BRWD1: variants seen among roughly 807,000 people sequenced by gnomAD.
The protein encoded by BRWD1 is bromodomain and WD repeat domain containing 1, also known as bromodomain and WD repeat-containing protein 1.
In BRWD1, 82 loss-of-function variants were observed where a neutral mutation model predicts 251.2. That is an observed-to-expected ratio of 0.33 (90% CI 0.27 to 0.39). The LOEUF (loss-of-function observed/expected upper bound fraction) is 0.39. Among genes scored for constraint, BRWD1 ranks in the 10% least tolerant of loss-of-function variants. The pLI, the probability that BRWD1 is intolerant of heterozygous loss-of-function variation, is 1.00. For synonymous variants in BRWD1, 918 were observed against 902.8 expected, an observed-to-expected ratio of 1.02 and a Z score of -0.30; for missense variants, 2,233 against 2,711.6, an observed-to-expected ratio of 0.82 and a Z score of 3.92.
At chr21:39,314,093 C>T (rs1555881043), upstream of BRWD1, 3 of 455,940 alleles carry the variant, frequency 6.6e-6, no homozygotes, top group Admixed American at 2.3e-5. Context: ...ATTTCACGGA[C>T]CGGTCGTCTG....
chr21:39,199,993 T>G (rs1183788288), intron 39 of BRWD1, among the ~76,000 whole-genome samples: 1 of 152,242 alleles, frequency 6.6e-6, no homozygotes, highest in Non-Finnish European at 1.5e-5. Flanking sequence ...CCTCAGGTGA[T>G]CCGCCCACCT....
chr21:39,197,136 T>A lies in BRWD1; in HGVS notation c.5933A>T (p.Asp1978Val), dbSNP rs1396921198. 7.4e-6 allele frequency: 12 copies of A among 1,614,150 alleles called. No individual in the cohort carries two copies. The highest frequency in any genetic ancestry group is 1.0e-5 in the Non-Finnish European group (12 of 1,179,976). The change falls in exon 41 of 41, where the codon GAT (aspartate) becomes GTT (valine). Residue 1978 changes from aspartate (D) to valine (V), a missense_variant. By Grantham distance (152) the Asp-to-Val change is radical. Around this residue, in one of 12 missense-constraint regions of BRWD1, gnomAD observed 928 missense variants for 970.0 expected, o/e 0.96. Transcript: ENST00000342449. ...TTCACAATGTACACTTCCTTCACAA[T>A]CACTCAATTTCTTCTTAGCTGTAGT... ...ACTTAKKKLS[D>V]CEGSVHCEVP...
intron 3 of BRWD1, 44 bp from the exon 4 acceptor site, chr21:39,312,944 C>CGGGGGGG (rs754220705): frequency 3.2e-6 from 2 of 622,858 alleles, no homozygotes; most frequent in African/African-American, 6.5e-5. Flanking sequence ...CCCTCCGGCG[C>CGGGGGGG]GGGGGGGGCG....
chr21:39,297,498 A>T, intron 5 of BRWD1: 1 of 756,738 alleles, frequency 1.3e-6, no homozygotes, highest in Non-Finnish European at 1.6e-6. Context: ...AAAGGAAAAC[A>T]GGCTACCAAT....
rs775106300 is a variant in BRWD1 at position 39,313,292 on chromosome 21, G to A, written c.57C>T (p.Tyr19=). 6 of 1,557,346 alleles carry A rather than the reference G, an allele frequency of 3.9e-6. No individual in the cohort carries two copies. The highest frequency in any genetic ancestry group is 1.2e-5 in the South Asian group (1 of 86,852). ...RPVPLIESEL[Y]FLIARYLSAG... ...CCGATAGGTACCGGGCGATAAGGAA[G>A]TACAGCTCTGCGGGAAGACAAGGAG... is the stretch of plus-strand genomic sequence containing the variant. The change falls in exon 2 of 41, where the codon TAC becomes TAT. Residue 19 remains tyrosine, a synonymous_variant. Coordinates refer to ENST00000342449, the MANE Select transcript of BRWD1 (RefSeq NM_033656.4).
In BRWD1 at chr21:39,188,930, T is replaced by C; in HGVS notation, c.*7329A>G. ...CAGAGTAAGACACTCATCACGGCAT[T>C]ACTCTCATGCAGCATGCCCTTACCT... On this transcript the variant is annotated 3_prime_UTR_variant, in exon 41 of 41. Coordinates refer to ENST00000342449, the MANE Select transcript of BRWD1 (RefSeq NM_033656.4). The C allele has an allele frequency of 1.0e-6, 1 of 985,364 alleles. No homozygotes were observed. The highest frequency in any genetic ancestry group is 5.2e-4 in the Middle Eastern group (1 of 1,914). 61.0% of individuals were successfully genotyped at this position (985,364 alleles called of 1,614,324 possible).
chr21:39,299,607 C>A (rs1364826893), intron 4 of BRWD1, among the ~76,000 whole-genome samples: 5 of 152,094 alleles, frequency 3.3e-5, no homozygotes, highest in Middle Eastern at 6.8e-3. Context: ...AATGTATAAA[C>A]CCATCACAGC....
chr21:39,297,318 T>C, intron 5 of BRWD1: 1 of 985,474 alleles, frequency 1.0e-6, no homozygotes, highest in Non-Finnish European at 1.2e-6. Context: ...ACCACTATCA[T>C]GACCAAAGAG....
At chr21:39,275,051 A>T (rs1240549028) in intron 12 of BRWD1, among the ~76,000 whole-genome samples, 1 of 152,186 alleles carries the variant, frequency 6.6e-6, no homozygotes, top group South Asian at 2.1e-4. Flanking sequence ...TCTCAAAAAA[A>T]AATAATTAAA....
chr21:39,265,036 G>A lies in BRWD1; in HGVS notation c.1531-17C>T, dbSNP rs1568930371. The A allele has an allele frequency of 6.3e-6, 10 of 1,595,188 alleles. No individual in the cohort carries two copies. Among genetic ancestry groups the A allele is most frequent in the South Asian group, 3.4e-5 (3 of 88,104 alleles). ...TCCTTCAATCTAGGAAACACAAAAG[G>A]AAAAAAGTTAGGACCAATTCTATGC... is the stretch of plus-strand genomic sequence containing the variant. On this transcript the variant is annotated splice_polypyrimidine_tract_variant and intron_variant, in intron 15 of 40. Transcript: ENST00000342449.
chr21:39,255,112 T>C (rs1035595414), intron 19 of BRWD1, among the ~76,000 whole-genome samples: 1 of 152,056 alleles, frequency 6.6e-6, no homozygotes, highest in African/African-American at 2.4e-5. Context: ...TGTGTGTGCA[T>C]GGACAAAAAA....
intron 36 of BRWD1, 96 bp from the exon 37 acceptor site, chr21:39,206,370 T>C (rs960363037): frequency 4.2e-5 from 39 of 922,254 alleles, no homozygotes; most frequent in Non-Finnish European, 5.7e-5. Flanking sequence ...ATGTATTATA[T>C]CACTGCTTAT....
rs1442179479 is a variant in BRWD1 at position 39,229,348 on chromosome 21, G to A, written c.3089C>T (p.Ala1030Val). The A allele has an allele frequency of 6.2e-7, 1 of 1,604,684 alleles. No homozygotes were observed. The highest frequency in any genetic ancestry group is 2.2e-5 in the East Asian group (1 of 44,794). ...CCLKLAFIDP[A>V]TGKLMDKSFS... Reference sequence around the variant, plus strand: ...AGATTTGTCCATAAGTTTTCCAGTTGCTGGATCTATAAATGCTAGTTTTAG... The same window carrying A: ...AGATTTGTCCATAAGTTTTCCAGTTACTGGATCTATAAATGCTAGTTTTAG... The change falls in exon 26 of 41, where the codon GCA (alanine) becomes GTA (valine). Residue 1030 changes from alanine to valine, a missense_variant. By Grantham distance (64) the Ala-to-Val change is moderately conservative (BLOSUM62 0). Coordinates refer to ENST00000342449, the MANE Select transcript of BRWD1 (RefSeq NM_033656.4).
At chr21:39,311,894 C>T (rs897217325) in intron 4 of BRWD1, among the ~76,000 whole-genome samples, 1 of 152,158 alleles carries the variant, frequency 6.6e-6, no homozygotes, top group African/African-American at 2.4e-5. Context: ...TTTTCACTTG[C>T]CACCATACTC....
In BRWD1 at chr21:39,296,275, T is replaced by G. The variant is rs1208034021; in HGVS notation, c.438A>C (p.Pro146=). 6 of 1,596,948 alleles carry G rather than the reference T, an allele frequency of 3.8e-6. No individual in the cohort carries two copies. The highest frequency in any genetic ancestry group is 1.3e-5 in the African/African-American group (1 of 74,388). Residue 146 remains proline (P), a synonymous_variant, in exon 6 of 41, where the codon CCA becomes CCC. Transcript: ENST00000342449. Reference sequence around the variant, plus strand: ...GCCAACCTTACTTACCAAGATTTGGTGGGGAACCATAATTCACTGGCATTT... The same window carrying G: ...GCCAACCTTACTTACCAAGATTTGGGGGGGAACCATAATTCACTGGCATTT... The part of the protein sequence containing the change: ...PPEMPVNYGS[P]PNLVEIHRGK...
At chr21:39,259,284 T>C (rs528470446) in intron 17 of BRWD1, among the ~76,000 whole-genome samples, 123 of 152,234 alleles carry the variant, frequency 8.1e-4, no homozygotes, top group African/African-American at 2.9e-3. Context: ...CCCATAATTC[T>C]TACTTCAAGT....
chr21:39,227,807 A>T (rs1405545763), intron 27 of BRWD1, among the ~76,000 whole-genome samples: 1 of 152,164 alleles, frequency 6.6e-6, no homozygotes, highest in Admixed American at 6.5e-5. Context: ...CAACCTTCTG[A>T]TCATTTTAGA....
intron 4 of BRWD1, among the ~76,000 whole-genome samples, chr21:39,299,773 G>A (rs538029432): frequency 4.0e-5 from 6 of 151,088 alleles, no homozygotes; most frequent in East Asian, 2.0e-4. Context: ...TCAAGAGCTC[G>A]AGACCAGCCT....
chr21:39,257,028 T>C (rs75647045), intron 18 of BRWD1, among the ~76,000 whole-genome samples: 6,365 of 152,266 alleles, frequency 0.042, 134 homozygotes, highest in Middle Eastern at 0.092. Flanking sequence ...CTGAGAAATA[T>C]AAATTCTAAA....
Sources: gnomAD v4.1 joint callset for allele counts (sites outside exome capture counted in the v4.1 genomes callset) on GRCh38, gnomAD v4.1.1 for gene constraint, gnomAD v4.1.1 regional missense constraint, MANE v1.5 for transcripts, NCBI Gene and HGNC (gene_info 2026-07-23, HGNC 2026-07-21) for gene names.